The following GAS2 variants were observed in gnomAD, a reference collection of about 807,000 sequenced individuals.
GAS2 encodes growth arrest specific 2.
In GAS2, 20 loss-of-function variants were observed where a neutral mutation model predicts 37.5. The ratio of observed to expected loss-of-function variants is 0.53; its 90% CI spans 0.37 to 0.77. GAS2 has a LOEUF of 0.77. Among genes scored for constraint, GAS2 ranks in the 30% least tolerant of loss-of-function variants. GAS2 has a pLI of 0.00. For synonymous variants in GAS2, 144 were observed against 132.2 expected (o/e 1.09, Z -0.61); for missense variants, 336 against 373.4 (o/e 0.90, Z 0.82).
intron 3 of GAS2, among the ~76,000 whole-genome samples, chr11:22,721,080 T>C (rs1159115980): frequency 6.6e-6 from 1 of 151,992 alleles, no homozygotes; most frequent in African/African-American, 2.4e-5. Context: ...CTCTGGAAAA[T>C]GAGTCTTCTT....
chr11:22,796,299 C>T (rs912781277), intron 7 of GAS2, among the ~76,000 whole-genome samples: 3 of 152,046 alleles, frequency 2.0e-5, no homozygotes, highest in Non-Finnish European at 4.4e-5. Context: ...ATTCTAAAGC[C>T]CACATTTTCT....
chr11:22,749,058 A>G, intron 5 of GAS2, 62 bp from the exon 6 acceptor site: 2 of 1,430,670 alleles, frequency 1.4e-6, no homozygotes, highest in East Asian at 2.3e-5. Flanking sequence ...CATCACATGT[A>G]ATATATGGTA....
intron 5 of GAS2, among the ~76,000 whole-genome samples, chr11:22,739,105 G>T (rs375415640): frequency 2.6e-5 from 4 of 152,090 alleles, no homozygotes; most frequent in African/African-American, 7.2e-5. Flanking sequence ...TTAGGACTTC[G>T]TTCTCTATCA....
chr11:22,777,514 A>G (rs1354812479), intron 7 of GAS2, among the ~76,000 whole-genome samples: 1 of 152,182 alleles, frequency 6.6e-6, no homozygotes, highest in Non-Finnish European at 1.5e-5. Context: ...TAGGATCAAT[A>G]TGATATAGAT....
chr11:22,783,270 T>C (rs1033930699), intron 7 of GAS2, among the ~76,000 whole-genome samples: 1 of 152,148 alleles, frequency 6.6e-6, no homozygotes, highest in Non-Finnish European at 1.5e-5. Context: ...ATGTCTTTTG[T>C]TCACTTTTTA....
chr11:22,789,499 T>C (rs1428513705), intron 7 of GAS2, among the ~76,000 whole-genome samples: 11 of 128,156 alleles, frequency 8.6e-5, no homozygotes, highest in Non-Finnish European at 1.6e-4. Flanking sequence ...TCTTGCTCTG[T>C]CGCCCAGGCT....
At chr11:22,780,776 T>C (rs918056705) in intron 7 of GAS2, among the ~76,000 whole-genome samples, 5 of 151,440 alleles carry the variant, frequency 3.3e-5, no homozygotes, top group Non-Finnish European at 7.4e-5. Flanking sequence ...TCCAAGGTGG[T>C]TCTGTGTCTC....
At chr11:22,646,323 A>G (rs1210833482) in intron 1 of GAS2, among the ~76,000 whole-genome samples, 2 of 152,336 alleles carry the variant, frequency 1.3e-5, no homozygotes, top group East Asian at 1.9e-4. Flanking sequence ...TAATTTTAGC[A>G]AAATGACTTG....
chr11:22,688,042 A>G (rs978572604), intron 3 of GAS2, among the ~76,000 whole-genome samples: 3 of 152,216 alleles, frequency 2.0e-5, no homozygotes, highest in East Asian at 1.9e-4. Flanking sequence ...AAAGATTCCC[A>G]AATAGATTTG....
intron 1 of GAS2, among the ~76,000 whole-genome samples, chr11:22,656,212 G>A (rs1222725706): frequency 6.6e-6 from 1 of 152,006 alleles, no homozygotes; most frequent in Non-Finnish European, 1.5e-5. Context: ...ATATTTTGGG[G>A]GTTTAAACTT....
chr11:22,799,752 G>T (rs1368821676), intron 7 of GAS2, among the ~76,000 whole-genome samples: 1 of 152,030 alleles, frequency 6.6e-6, no homozygotes, highest in East Asian at 1.9e-4. Context: ...AGTGTTGCTT[G>T]GAATGGGGCA....
At chr11:22,775,676 TA>T (rs922339860) in intron 7 of GAS2, among the ~76,000 whole-genome samples, 20 of 148,820 alleles carry the variant, frequency 1.3e-4, no homozygotes, top group South Asian at 4.3e-4. Flanking sequence ...GTTTGTTATT[TA>T]AAAAAAAAAC....
intron 3 of GAS2, among the ~76,000 whole-genome samples, chr11:22,699,380 T>C (rs1850711271): frequency 6.6e-6 from 1 of 152,080 alleles, no homozygotes; most frequent in South Asian, 2.1e-4. Context: ...GACAGGTAGA[T>C]TTTTTAAATC....
At chr11:22,688,213 G>A (rs1157035298) in intron 3 of GAS2, 3 of 152,186 alleles carry the variant, frequency 2.0e-5, no homozygotes, top group South Asian at 4.1e-4. Context: ...AATTACATAT[G>A]TATAGCTTCC....
At chr11:22,673,679 G>A (rs1206389961) in intron 1 of GAS2, among the ~76,000 whole-genome samples, 1 of 152,218 alleles carries the variant, frequency 6.6e-6, no homozygotes, top group Non-Finnish European at 1.5e-5. Flanking sequence ...GGCCGAGGCA[G>A]GTGGATCACT....
intron 1 of GAS2, among the ~76,000 whole-genome samples, chr11:22,637,403 GTATA>G (rs1369800165): frequency 8.0e-5 from 5 of 62,184 alleles, no homozygotes; most frequent in African/African-American, 5.7e-4. Flanking sequence ...TATATTAATA[GTATA>G]CTTAATATAA....
intron 7 of GAS2, among the ~76,000 whole-genome samples, chr11:22,784,651 T>C (rs1855740119): frequency 6.6e-6 from 1 of 152,190 alleles, no homozygotes. Context: ...TTTACCATCC[T>C]ATGCACATTT....
intron 7 of GAS2, among the ~76,000 whole-genome samples, chr11:22,770,210 A>G (rs1249925130): frequency 6.6e-6 from 1 of 152,058 alleles, no homozygotes; most frequent in Admixed American, 6.6e-5. Flanking sequence ...AGGGTTTAAA[A>G]CCTAGGTGAC....
At chr11:22,802,468 AAC>A in intron 7 of GAS2, among the ~76,000 whole-genome samples, 1 of 151,914 alleles carries the variant, frequency 6.6e-6, no homozygotes, top group Non-Finnish European at 1.5e-5. Context: ...AAAAAAAAAA[AAC>A]CCAAGCTGAG....
Sources: allele counts gnomAD v4.1 joint callset (sites outside exome capture counted in the v4.1 genomes callset), GRCh38; gene constraint gnomAD v4.1.1; transcripts MANE v1.5; gene names NCBI Gene and HGNC (gene_info 2026-07-23, HGNC 2026-07-21).